Variants in RIT2 observed in about 807,000 individuals in gnomAD.
The protein encoded by RIT2 is GTP-binding protein Rit2.
A neutral mutation model predicts 23.7 loss-of-function variants in RIT2; 24 were observed. The ratio of observed to expected loss-of-function variants is 1.01; its 90% CI spans 0.73 to 1.43. RIT2 has a LOEUF of 1.43. RIT2 is among the 40% of genes most tolerant of loss of function. The pLI, the probability that RIT2 is intolerant of heterozygous loss-of-function variation, is 0.00. For synonymous variants in RIT2, 107 were observed against 91.1 expected, an observed-to-expected ratio of 1.17 and a Z score of -0.99; for missense variants, 236 against 266.9, an observed-to-expected ratio of 0.88 and a Z score of 0.81.
At chr18:42,870,004 C>T (rs1328866559) in intron 4 of RIT2, among the ~76,000 whole-genome samples, 1 of 152,132 alleles carries the variant, frequency 6.6e-6, no homozygotes, top group Admixed American at 6.5e-5. Flanking sequence ...GTAAGTAATA[C>T]CTTTCTTCTG....
At chr18:42,871,438 C>T (rs1028134322) in intron 4 of RIT2, among the ~76,000 whole-genome samples, 2 of 152,024 alleles carry the variant, frequency 1.3e-5, no homozygotes, top group Non-Finnish European at 2.9e-5. Flanking sequence ...AATAATTAAA[C>T]ACATTTTATA....
At chr18:42,998,489 A>G (rs1358719881) in intron 2 of RIT2, among the ~76,000 whole-genome samples, 2 of 152,136 alleles carry the variant, frequency 1.3e-5, no homozygotes, top group Non-Finnish European at 2.9e-5. Flanking sequence ...AGATTGGACC[A>G]AGACTAAGCA....
chr18:42,990,619 C>T (rs943821983), intron 2 of RIT2, among the ~76,000 whole-genome samples: 1 of 152,102 alleles, frequency 6.6e-6, no homozygotes, highest in Admixed American at 6.5e-5. Context: ...TGAAGCATGC[C>T]TTATTCATCT....
intron 4 of RIT2, among the ~76,000 whole-genome samples, chr18:42,746,113 T>G (rs1356325509): frequency 6.6e-6 from 1 of 152,096 alleles, no homozygotes; most frequent in Non-Finnish European, 1.5e-5. Flanking sequence ...AAGAGAGCCC[T>G]TCTTATCTGG....
At chr18:43,042,977 A>C (rs2144296438) in intron 1 of RIT2, among the ~76,000 whole-genome samples, 1 of 152,296 alleles carries the variant, frequency 6.6e-6, no homozygotes, top group South Asian at 2.1e-4. Flanking sequence ...TCCACTATTA[A>C]ATAACTTGTT....
intron 1 of RIT2, among the ~76,000 whole-genome samples, chr18:43,052,381 A>G (rs571957929): frequency 9.9e-4 from 151 of 152,236 alleles, no homozygotes; most frequent in African/African-American, 3.0e-3. Flanking sequence ...CTATTGTGTT[A>G]TCCAAGGCAA....
chr18:42,769,950 G>T (rs1337581566), intron 4 of RIT2, among the ~76,000 whole-genome samples: 1 of 151,812 alleles, frequency 6.6e-6, no homozygotes, highest in Non-Finnish European at 1.5e-5. Context: ...AGGGCAGAGT[G>T]TCACAGTGAG....
chr18:42,906,661 C>T (rs1356100209), intron 4 of RIT2, among the ~76,000 whole-genome samples: 2 of 152,112 alleles, frequency 1.3e-5, no homozygotes, highest in Admixed American at 6.6e-5. Context: ...AGATTATTTT[C>T]GTTTTTGGAG....
At chr18:43,042,470 TG>T (rs1202298545) in intron 1 of RIT2, among the ~76,000 whole-genome samples, 2 of 152,206 alleles carry the variant, frequency 1.3e-5, no homozygotes, top group Non-Finnish European at 2.9e-5. Flanking sequence ...GAGTCTTTGT[TG>T]GTGCTTCTAC....
intron 1 of RIT2, among the ~76,000 whole-genome samples, chr18:43,069,770 T>C: frequency 6.6e-6 from 1 of 152,174 alleles, no homozygotes; most frequent in East Asian, 1.9e-4. Context: ...TATTGATGTT[T>C]CTTTCTGGAG....
In RIT2 at chr18:42,802,358, T is replaced by G. The variant is rs1213069724; in HGVS notation, c.427-58638A>C. ...TAGTTACAAAAAGTAAATGCAATTT[T>G]GAGTGGCATAATATAAAAACTAAAA... On this transcript the variant is annotated intron_variant, in intron 4 of 4. Transcript: ENST00000326695. Among the ~76,000 whole-genome samples, 3 of 152,192 alleles carry G rather than the reference T, an allele frequency of 2.0e-5. No homozygotes were observed. The East Asian group carries it at 5.8e-4, about 29-fold the overall frequency.
intron 4 of RIT2, among the ~76,000 whole-genome samples, chr18:42,782,821 A>G (rs1190806426): frequency 5.9e-5 from 9 of 152,126 alleles, no homozygotes; most frequent in Non-Finnish European, 1.0e-4. Flanking sequence ...CTAAACATGG[A>G]CAACAAAAGG....
At chr18:42,922,331 C>T (rs925845294) in intron 4 of RIT2, among the ~76,000 whole-genome samples, 5 of 152,062 alleles carry the variant, frequency 3.3e-5, no homozygotes, top group African/African-American at 4.8e-5. Flanking sequence ...AAGATTCCTA[C>T]GTTAGTAAAA....
chr18:43,001,589 G>A (rs1362728759), intron 2 of RIT2, among the ~76,000 whole-genome samples: 1 of 151,924 alleles, frequency 6.6e-6, no homozygotes, highest in Admixed American at 6.6e-5. Flanking sequence ...GAGGAATTAT[G>A]GAAACAGATA....
chr18:42,975,215 T>C (rs1470805865), intron 2 of RIT2, among the ~76,000 whole-genome samples: 1 of 152,104 alleles, frequency 6.6e-6, no homozygotes, highest in Non-Finnish European at 1.5e-5. Context: ...TGATTAGTGA[T>C]GGTGACATAA....
chr18:42,832,987 G>A (rs552664230), intron 4 of RIT2, among the ~76,000 whole-genome samples: 1 of 146,152 alleles, frequency 6.8e-6, no homozygotes, highest in Non-Finnish European at 1.5e-5. Context: ...CCCAGAGACA[G>A]AGGTTGCAAT....
intron 4 of RIT2, among the ~76,000 whole-genome samples, chr18:42,773,757 A>C (rs1913603928): frequency 6.6e-6 from 1 of 152,232 alleles, no homozygotes; most frequent in African/African-American, 2.4e-5. Context: ...CATCCAATCA[A>C]GGAAGTTGAA....
intron 1 of RIT2, among the ~76,000 whole-genome samples, chr18:43,097,741 C>T (rs1024539175): frequency 6.6e-6 from 1 of 151,934 alleles, no homozygotes; most frequent in Admixed American, 6.6e-5. Flanking sequence ...CTTTTAAAGA[C>T]CTGAAAAGTG....
At chr18:43,080,512 A>T (rs1199120981) in intron 1 of RIT2, among the ~76,000 whole-genome samples, 1 of 152,178 alleles carries the variant, frequency 6.6e-6, no homozygotes, top group African/African-American at 2.4e-5. Context: ...AATGACAAAA[A>T]AAACCTACCT....
Sources: allele counts gnomAD v4.1 joint callset (sites outside exome capture counted in the v4.1 genomes callset), GRCh38; gene constraint gnomAD v4.1.1; transcripts MANE v1.5; gene names NCBI Gene and HGNC (gene_info 2026-07-23, HGNC 2026-07-21).